GMDS: variants seen among roughly 807,000 people sequenced by gnomAD.
The protein encoded by GMDS is GDP-mannose 4,6-dehydratase.
A neutral mutation model predicts 49.9 loss-of-function variants in GMDS; 20 were observed. That is an observed-to-expected ratio of 0.40 (90% CI 0.28 to 0.58). The LOEUF is 0.58. Ranked by LOEUF, GMDS falls within the 20% of genes least tolerant of loss-of-function variation. GMDS has a pLI of 0.42. For missense variants in GMDS, 362 were observed against 481.4 expected (o/e 0.75, Z 2.32); for synonymous variants, 177 against 178.6 (o/e 0.99, Z 0.07).
chr6:1,928,702 C>T (rs1440019529), intron 7 of GMDS, among the ~76,000 whole-genome samples: 3 of 152,150 alleles, frequency 2.0e-5, no homozygotes, highest in African/African-American at 7.2e-5. Context: ...GGCACGGTGG[C>T]TCATCCCTGT....
intron 4 of GMDS, among the ~76,000 whole-genome samples, chr6:2,050,742 G>A (rs1178120337): frequency 1.3e-5 from 2 of 152,106 alleles, no homozygotes; most frequent in Non-Finnish European, 2.9e-5. Context: ...ATCAATAAAC[G>A]TAATCCATCA....
intron 4 of GMDS, among the ~76,000 whole-genome samples, chr6:2,114,103 GA>G (rs1299443328): frequency 6.6e-6 from 1 of 152,046 alleles, no homozygotes; most frequent in Non-Finnish European, 1.5e-5. Flanking sequence ...TTGGGGAAAG[GA>G]AAGAATCAGC....
chr6:2,051,353 G>A (rs1047690606), intron 4 of GMDS, among the ~76,000 whole-genome samples: 6 of 152,102 alleles, frequency 3.9e-5, no homozygotes, highest in African/African-American at 1.4e-4. Context: ...ACATAGATAT[G>A]GCAGATTTTT....
intron 4 of GMDS, among the ~76,000 whole-genome samples, chr6:2,048,417 C>T (rs1431633627): frequency 5.3e-5 from 8 of 152,170 alleles, no homozygotes; most frequent in Non-Finnish European, 1.2e-4. Flanking sequence ...AGGCCAATGC[C>T]TCACTGTTTT....
At chr6:2,097,634 A>T (rs976899585) in intron 4 of GMDS, among the ~76,000 whole-genome samples, 2 of 152,174 alleles carry the variant, frequency 1.3e-5, no homozygotes, top group Non-Finnish European at 2.9e-5. Flanking sequence ...AAAGAATTCC[A>T]AGCAATCCAT....
chr6:2,050,263 AC>A (rs1158586493), intron 4 of GMDS, among the ~76,000 whole-genome samples: 1 of 152,234 alleles, frequency 6.6e-6, no homozygotes, highest in Non-Finnish European at 1.5e-5. Flanking sequence ...ACACAAATAA[AC>A]TGGAACATGT....
chr6:1,920,099 G>A (rs1761641785), intron 7 of GMDS, among the ~76,000 whole-genome samples: 3 of 152,366 alleles, frequency 2.0e-5, no homozygotes, highest in Admixed American at 2.0e-4. Context: ...TTTCCAGCAT[G>A]AAGTGAACGG....
intron 7 of GMDS, among the ~76,000 whole-genome samples, chr6:1,800,625 CTTTCTT>C (rs1769912006): frequency 2.0e-5 from 3 of 149,660 alleles, no homozygotes; most frequent in East Asian, 2.0e-4. Context: ...CTTTTTCTTT[CTTTCTT>C]TTTTTTTTTT....
chr6:1,938,841 CT>C (rs1238946397), intron 6 of GMDS, among the ~76,000 whole-genome samples: 1 of 151,882 alleles, frequency 6.6e-6, no homozygotes, highest in African/African-American at 2.4e-5. Flanking sequence ...TCTCTTTGCT[CT>C]TATCTGTAAT....
rs949742041 is a variant in GMDS at position 2,208,054 on chromosome 6, G to A, written c.102+37267C>T. 1.4e-4 allele frequency among the ~76,000 whole-genome samples: 21 copies of A among 151,912 alleles called. 2 individuals carry two copies. Among genetic ancestry groups the A allele is most frequent in the African/African-American group, 5.1e-4 (21 of 41,170 alleles). ...AGAAAAGTTTTACTTATAAGGTCAT[G>A]AAAACATAAGCTTTACTCTGTTAGG... On this transcript the variant is annotated intron_variant, in intron 1 of 10. Transcript: ENST00000380815.
chr6:1,764,040 G>C (rs759381673), intron 7 of GMDS, among the ~76,000 whole-genome samples: 1 of 152,076 alleles, frequency 6.6e-6, no homozygotes, highest in Non-Finnish European at 1.5e-5. Context: ...CTGCTTGTCC[G>C]GTACATCTCC....
At chr6:2,070,925 G>A (rs1771953074) in intron 4 of GMDS, among the ~76,000 whole-genome samples, 1 of 152,078 alleles carries the variant, frequency 6.6e-6, no homozygotes, top group African/African-American at 2.4e-5. Flanking sequence ...GTCTTTATCT[G>A]CCACTACCAC....
intron 4 of GMDS, among the ~76,000 whole-genome samples, chr6:2,070,162 G>A (rs1274124611): frequency 1.2e-4 from 18 of 150,274 alleles, no homozygotes; most frequent in African/African-American, 3.2e-4. Context: ...GTAAACTATC[G>A]CAAGAACAAA....
chr6:2,039,069 T>G (rs879592236), intron 4 of GMDS, among the ~76,000 whole-genome samples: 1 of 152,214 alleles, frequency 6.6e-6, no homozygotes, highest in African/African-American at 2.4e-5. Context: ...CTAGGCTGTA[T>G]GGTAGAGCCT....
intron 7 of GMDS, among the ~76,000 whole-genome samples, chr6:1,866,500 A>G (rs1005193333): frequency 2.0e-5 from 3 of 152,166 alleles, no homozygotes; most frequent in Non-Finnish European, 4.4e-5. Context: ...TTGGTTTTCT[A>G]TTTATTAAAG....
At chr6:1,657,853 CAAAAAAA>C (rs757277370) in intron 9 of GMDS, among the ~76,000 whole-genome samples, 1 of 63,360 alleles carries the variant, frequency 1.6e-5, no homozygotes, top group African/African-American at 6.0e-5. Context: ...AGAACTCAAG[CAAAAAAA>C]AAAAAAAAAG....
At chr6:2,207,078 A>G (rs768859908) in intron 1 of GMDS, among the ~76,000 whole-genome samples, 6 of 152,210 alleles carry the variant, frequency 3.9e-5, no homozygotes, top group Admixed American at 2.6e-4. Flanking sequence ...GAAGCTGCAC[A>G]TAAGTTAGAA....
At chr6:1,680,472 C>T (rs1386588866) in intron 9 of GMDS, among the ~76,000 whole-genome samples, 4 of 152,200 alleles carry the variant, frequency 2.6e-5, no homozygotes, top group Non-Finnish European at 5.9e-5. Context: ...CCTCTGCCTT[C>T]CAAAGTACCA....
At chr6:1,690,537 G>C (rs551604359) in intron 9 of GMDS, among the ~76,000 whole-genome samples, 6 of 152,258 alleles carry the variant, frequency 3.9e-5, no homozygotes, top group Admixed American at 3.9e-4. Flanking sequence ...TAGACGTGCA[G>C]TCTTATTCCT....
Sources: allele counts gnomAD v4.1 joint callset (sites outside exome capture counted in the v4.1 genomes callset), GRCh38; gene constraint gnomAD v4.1.1; transcripts MANE v1.5; gene names NCBI Gene and HGNC (gene_info 2026-07-23, HGNC 2026-07-21).